The following NHSL1 variants were observed in gnomAD, a reference collection of about 807,000 sequenced individuals.
NHSL1 encodes the protein NHS like 1.
In NHSL1, 48 loss-of-function variants were observed where a neutral mutation model predicts 95.0. That is an observed-to-expected ratio of 0.51 (90% CI 0.40 to 0.64). NHSL1 has a LOEUF of 0.64. Ranked by LOEUF, NHSL1 falls within the 30% of genes least tolerant of loss-of-function variation. The probability of loss-of-function intolerance (pLI) is 0.00; values close to 1 mark genes in which losing one functional copy is unlikely to be tolerated. For missense variants in NHSL1, 1,971 were observed against 2,077.7 expected (o/e 0.95, Z 1.00); for synonymous variants, 783 against 833.9 (o/e 0.94, Z 1.05).
chr6:138,590,460 C>T (rs1562384981), intron 1 of NHSL1, among the ~76,000 whole-genome samples: 3 of 152,310 alleles, frequency 2.0e-5, no homozygotes, highest in South Asian at 4.1e-4. Flanking sequence ...CTGAGGAAAG[C>T]CCCTGCCCCT....
At chr6:138,438,561 C>T (rs978482327) in intron 5 of NHSL1, among the ~76,000 whole-genome samples, 5 of 152,166 alleles carry the variant, frequency 3.3e-5, no homozygotes, top group Non-Finnish European at 7.3e-5. Flanking sequence ...AAGACAACTA[C>T]AAACAAGTGT....
chr6:138,478,384 A>AT (rs998525156), intron 2 of NHSL1, among the ~76,000 whole-genome samples: 17 of 151,124 alleles, frequency 1.1e-4, no homozygotes, highest in Non-Finnish European at 1.9e-4. Context: ...CAGCTGACCA[A>AT]TTTTTTTTTG....
chr6:138,616,076 C>T (rs893094359), intron 1 of NHSL1, among the ~76,000 whole-genome samples: 1 of 152,138 alleles, frequency 6.6e-6, no homozygotes, highest in Non-Finnish European at 1.5e-5. Flanking sequence ...AAAACATTTG[C>T]TCTAATCAAA....
intron 1 of NHSL1, among the ~76,000 whole-genome samples, chr6:138,536,916 G>A (rs750397927): frequency 4.6e-5 from 7 of 152,090 alleles, no homozygotes; most frequent in Admixed American, 3.9e-4. Context: ...TGAAAAATAG[G>A]CTGCCAATTA....
chr6:138,534,436 A>C (rs1782256237), intron 1 of NHSL1, among the ~76,000 whole-genome samples: 1 of 152,184 alleles, frequency 6.6e-6, no homozygotes, highest in Non-Finnish European at 1.5e-5. Context: ...CCATTTTAAT[A>C]ATGCTATGAA....
exon 1 of NHSL1, chr6:138,571,738 G>A (rs1004725799): frequency 3.9e-6 from 6 of 1,552,118 alleles, no homozygotes; most frequent in South Asian, 1.2e-5. Context: ...TGTATATCCA[G>A]TTTTCGTCAT....
chr6:138,677,664 GCCC>G, intron 1 of NHSL1, among the ~76,000 whole-genome samples: 1 of 152,304 alleles, frequency 6.6e-6, no homozygotes, highest in East Asian at 1.9e-4. Context: ...CCCAAGCAGA[GCCC>G]ACATGCTAAG....
At chr6:138,458,411 A>C (rs1011815750) in intron 3 of NHSL1, among the ~76,000 whole-genome samples, 3 of 152,110 alleles carry the variant, frequency 2.0e-5, no homozygotes, top group African/African-American at 7.2e-5. Context: ...GTAGCCTCAG[A>C]TCAAGACAAA....
At chr6:138,599,477 A>G (rs151247308) in intron 1 of NHSL1, among the ~76,000 whole-genome samples, 1,770 of 152,146 alleles carry the variant, frequency 0.012, 26 homozygotes, top group African/African-American at 0.041. Context: ...GCACCATTGC[A>G]CTCCAGCCTG....
chr6:138,675,217 A>G (rs1021099195), intron 1 of NHSL1, among the ~76,000 whole-genome samples: 24 of 152,084 alleles, frequency 1.6e-4, no homozygotes, highest in Non-Finnish European at 3.4e-4. Context: ...GCTCTCATCT[A>G]CAATGAATCC....
chr6:138,512,345 A>G (rs1247599106), intron 1 of NHSL1: 8 of 455,114 alleles, frequency 1.8e-5, no homozygotes, highest in Non-Finnish European at 3.5e-5. Context: ...TTCATTATCA[A>G]AATAAATCCC....
intron 7 of NHSL1, among the ~76,000 whole-genome samples, chr6:138,427,471 G>A (rs149814154): frequency 2.3e-4 from 34 of 150,434 alleles, no homozygotes; most frequent in Non-Finnish European, 3.5e-4. Flanking sequence ...AAGGAAGAAA[G>A]ATGGGATTTT....
upstream of NHSL1, among the ~76,000 whole-genome samples, chr6:138,575,485 T>C (rs1200008579): frequency 1.3e-5 from 2 of 152,204 alleles, no homozygotes; most frequent in Admixed American, 6.5e-5. Context: ...CCAGAAACTG[T>C]GCACCCACAA....
intron 1 of NHSL1, 73 bp downstream of exon 1, chr6:138,499,150 CACACACACAG>C (rs751780755): frequency 0.011 from 9,602 of 858,708 alleles, 10 homozygotes; most frequent in East Asian, 0.026. Flanking sequence ...CACACACACA[CACACACACAG>C]ACACACAGGG....
intron 1 of NHSL1, among the ~76,000 whole-genome samples, chr6:138,507,540 G>A (rs1369093605): frequency 2.0e-5 from 3 of 152,284 alleles, no homozygotes; most frequent in South Asian, 2.1e-4. Context: ...TAGACACTGG[G>A]TGTGATCTTA....
chr6:138,627,609 C>T (rs1422798178), intron 1 of NHSL1, among the ~76,000 whole-genome samples: 2 of 152,130 alleles, frequency 1.3e-5, no homozygotes, highest in African/African-American at 2.4e-5. Context: ...TATGGCCAGT[C>T]GCGGTGGCTC....
In NHSL1 at chr6:138,450,192, G is replaced by GCA. The variant is rs56866574; in HGVS notation, c.340-3001_340-3000dup. ...TACATATTCTCTACCCTTGAGATGT[G>GCA]CACACACACACACACACACTTAAAA... is the stretch of plus-strand genomic sequence containing the variant. On this transcript the variant is annotated intron_variant, in intron 3 of 7. Transcript: ENST00000343505. Among the ~76,000 whole-genome samples the GCA allele has an allele frequency of 2.8e-3, 425 of 150,766 alleles. 4 individuals carry two copies. Among genetic ancestry groups the GCA allele is most frequent in the Middle Eastern group, 6.8e-3 (2 of 292 alleles).
intron 1 of NHSL1, among the ~76,000 whole-genome samples, chr6:138,665,859 C>T (rs1316128887): frequency 1.3e-5 from 2 of 152,152 alleles, no homozygotes; most frequent in East Asian, 1.9e-4. Context: ...GCTTTACTCC[C>T]GAGTGATTAA....
At chr6:138,488,150 C>A (rs996891751) in intron 2 of NHSL1, among the ~76,000 whole-genome samples, 1 of 152,046 alleles carries the variant, frequency 6.6e-6, no homozygotes, top group Non-Finnish European at 1.5e-5. Flanking sequence ...TGGTGGTGCA[C>A]ACCTGTAGTC....
Sources: gnomAD v4.1 joint callset for allele counts (sites outside exome capture counted in the v4.1 genomes callset) on GRCh38, gnomAD v4.1.1 for gene constraint, MANE v1.5 for transcripts, NCBI Gene and HGNC (gene_info 2026-07-23, HGNC 2026-07-21) for gene names.